The following NHS variants were observed in gnomAD, a reference collection of about 807,000 sequenced individuals.
The protein encoded by NHS is actin remodeling regulator NHS.
Under a neutral mutation model 72.5 loss-of-function variants are expected in NHS, and 5 were observed. That is an observed-to-expected ratio of 0.07 (90% CI 0.04 to 0.14). The LOEUF is 0.14. NHS is among the 10% of genes least tolerant of loss of function. The pLI, the probability that NHS is intolerant of heterozygous loss-of-function variation, is 1.00. For missense variants in NHS, 1,072 were observed against 1,355.7 expected, an observed-to-expected ratio of 0.79 and a Z score of 3.29; for synonymous variants, 464 against 547.7, an observed-to-expected ratio of 0.85 and a Z score of 2.13.
chrX:17,419,806 T>C (rs1275644191), intron 1 of NHS, among the ~76,000 whole-genome samples: 1 of 111,901 alleles, frequency 8.9e-6, no homozygotes, highest in Admixed American at 9.5e-5. Flanking sequence ...AGGTATATGA[T>C]AGCTTCTTTT....
intron 1 of NHS, among the ~76,000 whole-genome samples, chrX:17,468,540 A>T (rs745740032): frequency 9.2e-6 from 1 of 108,956 alleles, no homozygotes; most frequent in African/African-American, 3.3e-5. Flanking sequence ...TCATTTTTTT[A>T]AATGTTTATT....
rs2066504242 is a variant in NHS at position 17,733,837 on chromosome X, G to A, written c.*1373G>A. 9.0e-6 allele frequency: 1 copy of A among 111,134 alleles called. No homozygotes were observed. Among genetic ancestry groups the A allele is most frequent in the Non-Finnish European group, 1.9e-5 (1 of 53,008 alleles). The allele number at this position is 111,134 out of a possible 1,213,427, so 9.2% of individuals were successfully genotyped here. The stretch of plus-strand genomic sequence containing the variant: ...TGCTTGATGGCAAAAGGGGAGGGTG[G>A]AGGGTGGGAGAGGAAATGTCAGGGC... On this transcript the variant is annotated 3_prime_UTR_variant, in exon 9 of 9. Transcript: ENST00000676302.
At position 17,537,376 on chromosome X, in the gene NHS, C is replaced by G. The variant is rs761487579; in HGVS notation, c.566-150366C>G. 4.4e-5 allele frequency among the ~76,000 whole-genome samples: 5 copies of G among 112,517 alleles called. No homozygotes were observed. In the East Asian group the frequency reaches 1.1e-3, roughly 25 times the overall value. On this transcript the variant is annotated intron_variant, in intron 1 of 8. Coordinates refer to ENST00000676302, the MANE Select transcript of NHS (RefSeq NM_001291867.2). ...CTACACCTAGAAGAAGACAGAATCTCTTTGGATGAGGAGGAGAAAGCAAAG... is the reference window on the plus strand; with the variant it reads ...CTACACCTAGAAGAAGACAGAATCTGTTTGGATGAGGAGGAGAAAGCAAAG...
rs757838540 is a variant in NHS, at chrX:17,692,455, G to A, written c.839G>A (p.Arg280His). 53 of 1,207,873 alleles carry A rather than the reference G, an allele frequency of 4.4e-5. No individual in the cohort carries two copies. The highest frequency in any genetic ancestry group is 5.4e-5 in the Non-Finnish European group (48 of 894,678). ...CAGAGGAGGCGTGAGTTTAAGGACC[G>A]TCACTTTTTAACGGTAAGTTTGGTG... ...HSQRRREFKDRHFLTFNSTRS... is the reference protein window; with the variant it reads ...HSQRRREFKDHHFLTFNSTRS... The change falls in exon 3 of 9, where the codon CGT becomes CAT. Residue 280 changes from arginine (R) to histidine (H), a missense_variant. Arg to His is a conservative substitution (Grantham distance 29). Coordinates refer to ENST00000676302, the MANE Select transcript of NHS (RefSeq NM_001291867.2).
intron 2 of NHS, among the ~76,000 whole-genome samples, chrX:17,688,362 G>A (rs1334125828): frequency 1.8e-5 from 2 of 111,879 alleles, no homozygotes; most frequent in Non-Finnish European, 3.8e-5. Flanking sequence ...AATTTGGCTT[G>A]ACTCATAAAT....
At chrX:17,587,915 T>C (rs963048377) in intron 1 of NHS, among the ~76,000 whole-genome samples, 17 of 112,492 alleles carry the variant, frequency 1.5e-4, no homozygotes, top group African/African-American at 4.8e-4. Context: ...CTAATGATCT[T>C]GTGAAAGACA....
At chrX:17,681,253 G>A (rs1454448523) in intron 1 of NHS, among the ~76,000 whole-genome samples, 3 of 112,246 alleles carry the variant, frequency 2.7e-5, no homozygotes, top group African/African-American at 6.5e-5. Context: ...TTTGGACCCT[G>A]ATCCTGGCCT....
intron 1 of NHS, among the ~76,000 whole-genome samples, chrX:17,529,718 T>C (rs1208039485): frequency 8.9e-6 from 1 of 111,752 alleles, no homozygotes; most frequent in Non-Finnish European, 1.9e-5. Flanking sequence ...CATTTTCCCT[T>C]AAAGAAAAGA....
In NHS at chrX:17,732,687, C is replaced by A. The variant is rs2066497022; in HGVS notation, c.*223C>A. ...AGTAGCTGCAGTCTTTCATGTTTTT[C>A]TTTAGCATAGTTTGATTTACGCAAT... On this transcript the variant is annotated 3_prime_UTR_variant, in exon 9 of 9. Coordinates refer to ENST00000676302, the MANE Select transcript of NHS (RefSeq NM_001291867.2). 5.0e-5 allele frequency: 23 copies of A among 455,571 alleles called. No homozygotes were observed. The South Asian group carries it at 7.4e-4, about 15-fold the overall frequency. The allele number at this position is 455,571 out of a possible 1,213,427, so 37.5% of individuals were successfully genotyped here. A position where few individuals can be genotyped will look rare whatever the true frequency, so the allele number is the denominator to read the frequency against.
chrX:17,538,941 A>G (rs2065248292), intron 1 of NHS, among the ~76,000 whole-genome samples: 1 of 111,834 alleles, frequency 8.9e-6, no homozygotes, highest in Admixed American at 9.4e-5. Context: ...CCTCCCTTTC[A>G]GCCAGGCTTT....
intron 1 of NHS, among the ~76,000 whole-genome samples, chrX:17,539,862 G>C (rs2065254144): frequency 1.8e-5 from 2 of 112,102 alleles, no homozygotes. Flanking sequence ...TAGAAGAGCA[G>C]GTGTGAGGTT....
chrX:17,409,786 A>G (rs1181198019), intron 1 of NHS, among the ~76,000 whole-genome samples: 1 of 111,867 alleles, frequency 8.9e-6, no homozygotes, highest in African/African-American at 3.3e-5. Context: ...ATCCAACCTC[A>G]AAGAAGTAGG....
chrX:17,411,814 A>T (rs968678633), intron 1 of NHS, among the ~76,000 whole-genome samples: 5 of 111,833 alleles, frequency 4.5e-5, no homozygotes, highest in Non-Finnish European at 9.4e-5. Flanking sequence ...TTCACCCCAA[A>T]TGCACTTTTA....
rs138904866 is a variant in NHS, at chrX:17,485,193, T to C, written c.565+108871T>C. On this transcript the variant is annotated intron_variant, in intron 1 of 8. Transcript: ENST00000676302. ...TACCTACGTAGCACCAGTCTCAACC[T>C]TATGTGCACTAATTCAAACTTCAGG... Among the ~76,000 whole-genome samples the C allele has an allele frequency of 1.0e-2, 1,122 of 112,578 alleles. 15 individuals carry two copies. The highest frequency in any genetic ancestry group is 0.034 in the African/African-American group (1,065 of 30,973).
At chrX:17,616,952 T>G (rs934155593) in intron 1 of NHS, among the ~76,000 whole-genome samples, 2 of 111,915 alleles carry the variant, frequency 1.8e-5, no homozygotes. Flanking sequence ...TTCAGCTTAT[T>G]CCTCTGTCCT....
At chrX:17,731,545 G>A (rs929534945) in intron 8 of NHS, among the ~76,000 whole-genome samples, 4 of 111,132 alleles carry the variant, frequency 3.6e-5, no homozygotes, top group African/African-American at 9.8e-5. Flanking sequence ...GCTGTTAGCA[G>A]TATAGTTTCT....
chrX:17,557,640 G>T (rs1035211554), intron 1 of NHS, among the ~76,000 whole-genome samples: 3 of 111,118 alleles, frequency 2.7e-5, no homozygotes, highest in African/African-American at 9.9e-5. Flanking sequence ...CAGTCTAACT[G>T]GGTCCTCTGC....
At chrX:17,571,928 G>T (rs996552873) in intron 1 of NHS, among the ~76,000 whole-genome samples, 1 of 112,186 alleles carries the variant, frequency 8.9e-6, no homozygotes, top group African/African-American at 3.2e-5. Context: ...TATGTACCCA[G>T]TAGTCATTCA....
chrX:17,522,419 G>C (rs1171156332), intron 1 of NHS, among the ~76,000 whole-genome samples: 1 of 109,357 alleles, frequency 9.1e-6, no homozygotes, highest in Non-Finnish European at 1.9e-5. Flanking sequence ...CTTGGGAGTG[G>C]GGCTCTGTGT....
Sources: allele counts gnomAD v4.1 joint callset (sites outside exome capture counted in the v4.1 genomes callset), GRCh38; gene constraint gnomAD v4.1.1; transcripts MANE v1.5; gene names NCBI Gene and HGNC (gene_info 2026-07-23, HGNC 2026-07-21).